Variants in SMC1B observed in about 807,000 individuals in gnomAD.
SMC1B encodes the protein structural maintenance of chromosomes 1B.
SMC1B carries 60 observed loss-of-function variants against 157.9 expected under a neutral mutation model. The observed-to-expected ratio is 0.38, with a 90% CI of 0.31 to 0.47. The LOEUF (loss-of-function observed/expected upper bound fraction) is 0.47. SMC1B is among the 20% of genes least tolerant of loss of function. SMC1B has a pLI of 0.99. For missense variants in SMC1B, 1,165 were observed against 1,426.2 expected, an observed-to-expected ratio of 0.82 and a Z score of 2.95; for synonymous variants, 445 against 483.0, an observed-to-expected ratio of 0.92 and a Z score of 1.03.
chr22:45,361,351 G>A (rs552133129), intron 17 of SMC1B, among the ~76,000 whole-genome samples: 1 of 152,278 alleles, frequency 6.6e-6, no homozygotes, highest in African/African-American at 2.4e-5. Context: ...AGTGGCTCAC[G>A]CCTATAATCC....
At chr22:45,379,295 A>G (rs1393195602) in intron 12 of SMC1B, among the ~76,000 whole-genome samples, 1 of 152,232 alleles carries the variant, frequency 6.6e-6, no homozygotes, top group Admixed American at 6.5e-5. Flanking sequence ...CAGCCTCAAC[A>G]TTCAGTTTTA....
chr22:45,345,369 G>A, intron 24 of SMC1B, 90 bp downstream of exon 24: 1 of 688,562 alleles, frequency 1.5e-6, no homozygotes. Context: ...ACTCCATTTG[G>A]AAGTTTTAAT....
chr22:45,405,421 G>A (rs1042080975), intron 4 of SMC1B, among the ~76,000 whole-genome samples: 12 of 151,942 alleles, frequency 7.9e-5, no homozygotes, highest in Non-Finnish European at 1.6e-4. Context: ...GAACGGTGGC[G>A]GGCACCTGTA....
At chr22:45,346,873 C>T (rs989867899) in intron 23 of SMC1B, among the ~76,000 whole-genome samples, 7 of 152,154 alleles carry the variant, frequency 4.6e-5, no homozygotes, top group Admixed American at 1.3e-4. Context: ...AATTCAGCAA[C>T]GGAGTATCAG....
chr22:45,352,053 T>C (rs972372584), intron 22 of SMC1B, among the ~76,000 whole-genome samples: 6 of 152,180 alleles, frequency 3.9e-5, no homozygotes, highest in Non-Finnish European at 8.8e-5. Flanking sequence ...TAAAATGGAA[T>C]AGTAGTAGCT....
chr22:45,360,012 C>T, intron 17 of SMC1B, 54 bp from the exon 18 acceptor site: 1 of 1,379,918 alleles, frequency 7.2e-7, no homozygotes, highest in Non-Finnish European at 1.0e-6. Flanking sequence ...AACACTGCAC[C>T]AAGGAAGAAA....
At chr22:45,374,097 T>G (rs970362805) in intron 12 of SMC1B, among the ~76,000 whole-genome samples, 1 of 147,412 alleles carries the variant, frequency 6.8e-6, no homozygotes, top group African/African-American at 2.5e-5. Context: ...ACGGTTTTTT[T>G]TTTTTTTTTT....
At chr22:45,352,936 C>A (rs542905404) in intron 21 of SMC1B, among the ~76,000 whole-genome samples, 5 of 152,054 alleles carry the variant, frequency 3.3e-5, no homozygotes, top group Non-Finnish European at 7.4e-5. Context: ...GTACTGAATA[C>A]CTATTATGGG....
intron 4 of SMC1B, 36 bp from the exon 5 acceptor site, chr22:45,402,607 G>T (rs775126384): frequency 6.8e-6 from 10 of 1,480,958 alleles, no homozygotes; most frequent in African/African-American, 1.4e-5. Flanking sequence ...AGTTAAAAGG[G>T]AGTGTATTTA....
chr22:45,387,961 G>A (rs1180336917), intron 10 of SMC1B, among the ~76,000 whole-genome samples: 1 of 151,984 alleles, frequency 6.6e-6, no homozygotes, highest in African/African-American at 2.4e-5. Context: ...GAACCCGGGA[G>A]GCGGAGGTTG....
chr22:45,389,030 A>G (rs2087026364), intron 10 of SMC1B, among the ~76,000 whole-genome samples: 1 of 151,486 alleles, frequency 6.6e-6, no homozygotes, highest in African/African-American at 2.4e-5. Flanking sequence ...AAAAAAAAAG[A>G]AAAATTAAGA....
intron 12 of SMC1B, among the ~76,000 whole-genome samples, chr22:45,376,216 A>C (rs2146803719): frequency 6.6e-6 from 1 of 152,216 alleles, no homozygotes; most frequent in South Asian, 2.1e-4. Context: ...CTTAAACAAC[A>C]ACTCATTCTC....
chr22:45,413,354 C>T, intron 1 of SMC1B, 105 bp downstream of exon 1: 1 of 882,072 alleles, frequency 1.1e-6, no homozygotes, highest in Non-Finnish European at 1.7e-6. Flanking sequence ...AAGGGGAAGG[C>T]CGGCCAGGCG....
At chr22:45,354,887 A>G (rs1225513369) in intron 20 of SMC1B, 72 bp downstream of exon 20, 1 of 1,436,450 alleles carries the variant, frequency 7.0e-7, no homozygotes, top group Non-Finnish European at 9.7e-7. Flanking sequence ...CAGAGGGGAG[A>G]TTGTTGGCAA....
rs1236453325 is a variant in SMC1B at position 45,359,974 on chromosome 22, T to C, written c.2709-16A>G. On this transcript the variant is annotated splice_polypyrimidine_tract_variant and intron_variant, in intron 17 of 24. Coordinates refer to ENST00000357450, the MANE Select transcript of SMC1B (RefSeq NM_148674.5). ...CCCCACTTCCCTGTAATTACACAGA[T>C]ATGAAAAAGTAATTTTACTCATTAT... The C allele has an allele frequency of 1.2e-6, 2 of 1,604,736 alleles. No individual in the cohort carries two copies. Among genetic ancestry groups the C allele is most frequent in the Non-Finnish European group, 8.5e-7 (1 of 1,173,040 alleles).
intron 15 of SMC1B, among the ~76,000 whole-genome samples, chr22:45,366,884 G>C (rs1331351415): frequency 3.3e-5 from 5 of 151,948 alleles, no homozygotes; most frequent in Non-Finnish European, 7.4e-5. Flanking sequence ...CTATCTTCAG[G>C]CTTACTGATT....
chr22:45,397,139 A>G (rs2087134061), intron 6 of SMC1B, among the ~76,000 whole-genome samples: 1 of 151,704 alleles, frequency 6.6e-6, no homozygotes, highest in South Asian at 2.1e-4. Flanking sequence ...AGAAAAAAAT[A>G]TATCATTTTC....
At chr22:45,359,711 T>C in intron 18 of SMC1B, 94 bp downstream of exon 18, 1 of 1,390,860 alleles carries the variant, frequency 7.2e-7, no homozygotes. Context: ...TCACCACCCC[T>C]AAAGGGGCTA....
intron 20 of SMC1B, 41 bp downstream of exon 20, chr22:45,354,918 C>A: frequency 6.3e-7 from 1 of 1,591,448 alleles, no homozygotes. Context: ...AATCAAAACA[C>A]CCATGAATAT....
Sources: gnomAD v4.1 joint callset for allele counts (sites outside exome capture counted in the v4.1 genomes callset) on GRCh38, gnomAD v4.1.1 for gene constraint, MANE v1.5 for transcripts, NCBI Gene and HGNC (gene_info 2026-07-23, HGNC 2026-07-21) for gene names.